CTNNA3: variants seen among roughly 807,000 people sequenced by gnomAD.
The protein encoded by CTNNA3 is catenin alpha-3.
CTNNA3 carries 76 observed loss-of-function variants against 95.7 expected under a neutral mutation model. The ratio of observed to expected loss-of-function variants is 0.79; its 90% CI spans 0.66 to 0.96. The LOEUF (loss-of-function observed/expected upper bound fraction) is 0.96, where lower values mean the gene tolerates loss of function less well. Ranked by LOEUF, CTNNA3 falls within the 40% of genes least tolerant of loss-of-function variation. The pLI is 0.00. For missense variants in CTNNA3, 1,191 were observed against 1,089.8 expected (o/e 1.09, Z -1.31); for synonymous variants, 431 against 374.4 (o/e 1.15, Z -1.74).
intron 12 of CTNNA3, among the ~76,000 whole-genome samples, chr10:66,373,515 A>T (rs2132469295): frequency 6.6e-6 from 1 of 152,236 alleles, no homozygotes; most frequent in Admixed American, 6.5e-5. Flanking sequence ...CCAACTTTAG[A>T]ATTATCAACA....
intron 11 of CTNNA3, among the ~76,000 whole-genome samples, chr10:66,456,305 T>C (rs2093494760): frequency 6.6e-6 from 1 of 152,154 alleles, no homozygotes; most frequent in Non-Finnish European, 1.5e-5. Flanking sequence ...GCTACTGTTA[T>C]CAAGACAATG....
At chr10:66,267,189 G>A (rs951893260) in intron 13 of CTNNA3, among the ~76,000 whole-genome samples, 3 of 152,006 alleles carry the variant, frequency 2.0e-5, no homozygotes, top group Non-Finnish European at 4.4e-5. Context: ...GCAAGGTCAT[G>A]TTTCTTTGAC....
At chr10:65,927,539 T>C (rs1301990051) in intron 17 of CTNNA3, among the ~76,000 whole-genome samples, 1 of 152,214 alleles carries the variant, frequency 6.6e-6, no homozygotes, top group Non-Finnish European at 1.5e-5. Flanking sequence ...TAGTTGTATA[T>C]AAATGGAATT....
chr10:67,533,052 G>C (rs912753864), intron 4 of CTNNA3, among the ~76,000 whole-genome samples: 1 of 152,132 alleles, frequency 6.6e-6, no homozygotes. Context: ...AGGTGGGCAC[G>C]GTGGCGGACG....
intron 5 of CTNNA3, among the ~76,000 whole-genome samples, chr10:67,349,481 T>C (rs1842554252): frequency 6.6e-6 from 1 of 152,160 alleles, no homozygotes; most frequent in African/African-American, 2.4e-5. Flanking sequence ...ATTCCACCTA[T>C]ATGAAGTATC....
chr10:67,183,021 T>A (rs1862639014), intron 6 of CTNNA3, among the ~76,000 whole-genome samples: 1 of 152,140 alleles, frequency 6.6e-6, no homozygotes, highest in Non-Finnish European at 1.5e-5. Context: ...ATGGCGATCA[T>A]TAAAAATTCA....
At chr10:67,311,639 T>G (rs953960012) in intron 5 of CTNNA3, among the ~76,000 whole-genome samples, 1 of 152,122 alleles carries the variant, frequency 6.6e-6, no homozygotes, top group Non-Finnish European at 1.5e-5. Flanking sequence ...CTCAATAAAG[T>G]TGATTTTAAA....
At chr10:67,252,112 G>A (rs1866132077) in intron 5 of CTNNA3, among the ~76,000 whole-genome samples, 1 of 151,856 alleles carries the variant, frequency 6.6e-6, no homozygotes, top group African/African-American at 2.4e-5. Context: ...TTGGGAGGCT[G>A]AGGTGGGAGA....
intron 2 of CTNNA3, among the ~76,000 whole-genome samples, chr10:67,610,284 T>A (rs1261766288): frequency 6.6e-6 from 1 of 152,168 alleles, no homozygotes; most frequent in Non-Finnish European, 1.5e-5. Flanking sequence ...GCCAGAGAAG[T>A]AAGAAATGTG....
chr10:66,034,874 A>T (rs568156357), intron 15 of CTNNA3, among the ~76,000 whole-genome samples: 2 of 150,706 alleles, frequency 1.3e-5, no homozygotes, highest in African/African-American at 4.9e-5. Flanking sequence ...GCTTTCCATA[A>T]ACATTTAATT....
intron 10 of CTNNA3, among the ~76,000 whole-genome samples, chr10:66,586,378 C>A (rs1458442224): frequency 1.3e-5 from 2 of 152,072 alleles, no homozygotes; most frequent in African/African-American, 4.8e-5. Flanking sequence ...ACACTGAGGT[C>A]TTTTCATGGG....
At chr10:66,324,376 A>T (rs2132297687) in intron 12 of CTNNA3, among the ~76,000 whole-genome samples, 1 of 152,274 alleles carries the variant, frequency 6.6e-6, no homozygotes, top group South Asian at 2.1e-4. Context: ...TCCATGTGTA[A>T]TCCAATTCTT....
chr10:67,554,024 C>T (rs1674996504), intron 3 of CTNNA3, among the ~76,000 whole-genome samples: 1 of 152,148 alleles, frequency 6.6e-6, no homozygotes, highest in Admixed American at 6.5e-5. Context: ...GTTTTCTGTC[C>T]TTGTGATACT....
At chr10:65,952,483 C>T (rs1168264167) in intron 17 of CTNNA3, among the ~76,000 whole-genome samples, 3 of 152,028 alleles carry the variant, frequency 2.0e-5, no homozygotes. Context: ...TTTTGCTTCT[C>T]TCCCTTCCAC....
At chr10:65,991,059 C>T (rs1434910483) in intron 15 of CTNNA3, among the ~76,000 whole-genome samples, 2 of 151,992 alleles carry the variant, frequency 1.3e-5, no homozygotes, top group African/African-American at 2.4e-5. Context: ...TTGTCGAAAA[C>T]CAGTTGGTTA....
At chr10:65,921,744 G>C (rs2077089774) in intron 17 of CTNNA3, among the ~76,000 whole-genome samples, 1 of 152,192 alleles carries the variant, frequency 6.6e-6, no homozygotes. Flanking sequence ...TGCTTGGAAA[G>C]ATATATGGTC....
intron 5 of CTNNA3, among the ~76,000 whole-genome samples, chr10:67,425,839 G>C (rs866085408): frequency 6.6e-6 from 1 of 152,046 alleles, no homozygotes; most frequent in Non-Finnish European, 1.5e-5. Flanking sequence ...TTTTTGTGGA[G>C]TGAAAATTAT....
chr10:67,704,286 T>C (rs930090079), intron 1 of CTNNA3, among the ~76,000 whole-genome samples: 1 of 152,070 alleles, frequency 6.6e-6, no homozygotes, highest in Non-Finnish European at 1.5e-5. Context: ...CTTTAAAGTT[T>C]GTATGGAACC....
intron 15 of CTNNA3, among the ~76,000 whole-genome samples, chr10:66,040,426 T>G (rs927789205): frequency 6.6e-6 from 1 of 151,892 alleles, no homozygotes; most frequent in African/African-American, 2.4e-5. Flanking sequence ...TAGATGCACG[T>G]GTATGTTCAT....
Sources: gnomAD v4.1 joint callset for allele counts (sites outside exome capture counted in the v4.1 genomes callset) on GRCh38, gnomAD v4.1.1 for gene constraint, MANE v1.5 for transcripts, NCBI Gene and HGNC (gene_info 2026-07-23, HGNC 2026-07-21) for gene names.